SATB1: variants seen among roughly 807,000 people sequenced by gnomAD.
SATB1 encodes DNA-binding protein SATB1.
In SATB1, 11 loss-of-function variants were observed where a neutral mutation model predicts 86.9. The observed-to-expected ratio is 0.13, with a 90% CI of 0.08 to 0.21. The LOEUF is 0.21. Among genes scored for constraint, SATB1 ranks in the 10% least tolerant of loss-of-function variants. SATB1 has a pLI of 1.00. For missense variants in SATB1, 551 were observed against 937.6 expected, an observed-to-expected ratio of 0.59 and a Z score of 5.39; for synonymous variants, 357 against 357.2, an observed-to-expected ratio of 1.00 and a Z score of 0.01.
upstream of SATB1, among the ~76,000 whole-genome samples, chr3:18,439,260 T>C (rs977515523): frequency 1.3e-4 from 20 of 152,344 alleles, no homozygotes; most frequent in Admixed American, 5.9e-4. Flanking sequence ...AAGAGGTTAT[T>C]AGAATTTCGC....
intron 9 of SATB1, among the ~76,000 whole-genome samples, chr3:18,376,214 T>C (rs1378474667): frequency 1.3e-5 from 2 of 148,750 alleles, no homozygotes; most frequent in African/African-American, 2.5e-5. Context: ...TTTAAAAGGA[T>C]GAAGTCAAAG....
chr3:18,415,282 C>A, intron 4 of SATB1, 48 bp from the exon 5 acceptor site: 1 of 1,606,012 alleles, frequency 6.2e-7, no homozygotes, highest in Non-Finnish European at 8.5e-7. Context: ...GATTGCATCC[C>A]GCTGCAGAAC....
chr3:18,431,085 G>A lies in SATB1; in HGVS notation c.-25+5704C>T, dbSNP rs112756482. Among the ~76,000 whole-genome samples, 1,369 of 152,228 alleles carry A rather than the reference G, an allele frequency of 9.0e-3. 7 individuals carry two copies. Among genetic ancestry groups the A allele is most frequent in the Middle Eastern group, 0.017 (5 of 294 alleles). On this transcript the variant is annotated intron_variant, in intron 2 of 3. Transcript: ENST00000414509. ...TCAGTATGGATCACTTATTTGACAG[G>A]GCACGGTGGTAATAATTCCACCAAA...
chr3:18,365,460 C>T (rs914595641), intron 9 of SATB1, among the ~76,000 whole-genome samples: 3 of 140,200 alleles, frequency 2.1e-5, no homozygotes, highest in African/African-American at 5.2e-5. Flanking sequence ...TGGGTAGGGT[C>T]GGGGAGGGGA....
At chr3:18,397,136 C>T (rs746327382) in intron 6 of SATB1, 43 bp downstream of exon 6, 15 of 1,057,444 alleles carry the variant, frequency 1.4e-5, no homozygotes, top group East Asian at 4.7e-5. Context: ...CCAAATGACA[C>T]GTAATGGTAT....
intron 5 of SATB1, among the ~76,000 whole-genome samples, chr3:18,398,573 T>G (rs1697080696): frequency 6.6e-6 from 1 of 152,204 alleles, no homozygotes; most frequent in Non-Finnish European, 1.5e-5. Context: ...TTCATTCTCC[T>G]GACATCCACT....
At position 18,444,996 on chromosome 3, in the gene SATB1, G is replaced by T. The variant is rs1403478784; in HGVS notation, c.-25+522C>A. On this transcript the variant is annotated intron_variant, in intron 1 of 3. Coordinates refer to the SATB1 transcript ENST00000415069. This position sits in a 1 kb window ranked among gnomAD's most constrained non-coding sequence, Gnocchi z 5.1. ...CTGCTCTCGTCTCGTCGGTCGCGGC[G>T]CCTGCAGTCTGGAGGCGCACCGGAG... The T allele has an allele frequency of 1.2e-5, 2 of 163,788 alleles. No homozygotes were observed. The highest frequency in any genetic ancestry group is 2.5e-5 in the Non-Finnish European group (2 of 80,084). The allele number at this position is 163,788 out of a possible 1,614,324, so 10.1% of individuals were successfully genotyped here.
At chr3:18,415,043 G>T in intron 5 of SATB1, 68 bp downstream of exon 5, 1 of 1,569,832 alleles carries the variant, frequency 6.4e-7, no homozygotes, top group Non-Finnish European at 8.7e-7. Flanking sequence ...AAACCAGGGA[G>T]CTCCATCAAA....
upstream of SATB1, among the ~76,000 whole-genome samples, chr3:18,428,844 C>T (rs530859433): frequency 1.6e-3 from 238 of 152,278 alleles, 1 homozygote; most frequent in South Asian, 0.018. Flanking sequence ...GATATCCGAA[C>T]GCATTAAAAC....
rs763771602 is a variant in SATB1, at chr3:18,420,792, T to G, written c.176A>C (p.His59Pro). ...GAKMQGVPLK[H>P]SGHLMKTNLR... is the part of the protein sequence containing the mutation. Reference sequence around the variant, plus strand: ...GTTGGTTTTCATCAGATGGCCCGAGTGTTTTAAAGGCACTCCCTGCATTTT... The same window carrying G: ...GTTGGTTTTCATCAGATGGCCCGAGGGTTTTAAAGGCACTCCCTGCATTTT... The change falls in exon 2 of 11, where the codon CAC becomes CCC. Residue 59 changes from histidine (H) to proline (P), a missense_variant. By Grantham distance (77) the His-to-Pro change is moderately conservative. Transcript: ENST00000338745. 6.2e-7 allele frequency: 1 copy of G among 1,614,074 alleles called. No individual in the cohort carries two copies. The highest frequency in any genetic ancestry group is 8.5e-7 in the Non-Finnish European group (1 of 1,180,016).
chr3:18,401,906 T>C (rs1697288227), intron 5 of SATB1, among the ~76,000 whole-genome samples: 1 of 152,180 alleles, frequency 6.6e-6, no homozygotes, highest in East Asian at 1.9e-4. Flanking sequence ...AATGATACCA[T>C]CTGCCACAGG....
At chr3:18,421,832 C>T (rs1464152106) in intron 1 of SATB1, among the ~76,000 whole-genome samples, 1 of 149,788 alleles carries the variant, frequency 6.7e-6, no homozygotes, top group Non-Finnish European at 1.5e-5. Flanking sequence ...GGTTGAAGTG[C>T]CAAGCTCAAT....
At chr3:18,383,153 G>A (rs1430794891) in intron 8 of SATB1, among the ~76,000 whole-genome samples, 3 of 152,212 alleles carry the variant, frequency 2.0e-5, no homozygotes, top group Non-Finnish European at 4.4e-5. Context: ...ATGAAGCACA[G>A]GGCATAACTG....
intron 9 of SATB1, among the ~76,000 whole-genome samples, chr3:18,373,134 A>T (rs370347751): frequency 6.6e-6 from 1 of 152,224 alleles, no homozygotes; most frequent in Non-Finnish European, 1.5e-5. Context: ...GAGAACATGT[A>T]AAGGGGCAGT....
intron 5 of SATB1, among the ~76,000 whole-genome samples, chr3:18,402,625 A>G (rs1697327616): frequency 6.6e-6 from 1 of 152,150 alleles, no homozygotes; most frequent in African/African-American, 2.4e-5. Context: ...TAAACTAAAC[A>G]GCCTGTACCG....
In SATB1 at chr3:18,349,840, A is replaced by G. The variant is rs1694262116; in HGVS notation, c.1780-158T>C. On this transcript the variant is annotated intron_variant, in intron 10 of 10. Transcript: ENST00000338745. This position sits in a 1 kb window ranked among gnomAD's most constrained non-coding sequence, Gnocchi z 5.5. ...AAGGTAGGCCGGCGAAATGGCCGAC[A>G]GCATTTACAAAAAAATCAAAATGAT... 1 of 1,309,782 alleles carries G rather than the reference A, an allele frequency of 7.6e-7. No homozygotes were observed. The highest frequency in any genetic ancestry group is 1.0e-6 in the Non-Finnish European group (1 of 989,606). 81.1% of individuals were successfully genotyped at this position (1,309,782 alleles called of 1,614,324 possible). A position where few individuals can be genotyped will look rare whatever the true frequency, so the allele number is the denominator to read the frequency against.
intron 2 of SATB1, among the ~76,000 whole-genome samples, chr3:18,436,396 C>T (rs1471530925): frequency 2.0e-5 from 3 of 151,488 alleles, no homozygotes; most frequent in African/African-American, 2.4e-5. Flanking sequence ...TGTTTGACTC[C>T]GGTATTGTTT....
intron 5 of SATB1, 29 bp downstream of exon 5, chr3:18,415,082 T>C: frequency 3.7e-6 from 6 of 1,611,144 alleles, no homozygotes; most frequent in Non-Finnish European, 5.1e-6. Context: ...CATGATGTCT[T>C]ATTATTTATT....
At chr3:18,370,896 G>C (rs1428792798) in intron 9 of SATB1, among the ~76,000 whole-genome samples, 1 of 152,242 alleles carries the variant, frequency 6.6e-6, no homozygotes. Flanking sequence ...CGACAGTTCA[G>C]CACAAGATCA....
Sources: gnomAD v4.1 joint callset for allele counts (sites outside exome capture counted in the v4.1 genomes callset) on GRCh38, gnomAD v4.1.1 for gene constraint, Gnocchi (gnomAD v3.1) non-coding constraint, MANE v1.5 for transcripts, NCBI Gene and HGNC (gene_info 2026-07-23, HGNC 2026-07-21) for gene names.